KRT7: variants seen among roughly 807,000 people sequenced by gnomAD.
The protein encoded by KRT7 is keratin 7, also known as keratin, type II cytoskeletal 7.
In KRT7, 50 loss-of-function variants were observed where a neutral mutation model predicts 42.8. The ratio of observed to expected loss-of-function variants is 1.17; its 90% CI spans 0.93 to 1.48. The LOEUF (loss-of-function observed/expected upper bound fraction) is 1.48, where lower values mean the gene tolerates loss of function less well. Ranked by LOEUF, KRT7 falls within the 40% of genes most tolerant of loss-of-function variation. The pLI, the probability that KRT7 is intolerant of heterozygous loss-of-function variation, is 0.00. For missense variants in KRT7, 588 were observed against 637.6 expected, an observed-to-expected ratio of 0.92 and a Z score of 0.84; for synonymous variants, 268 against 266.3, an observed-to-expected ratio of 1.01 and a Z score of -0.06.
At position 52,238,754 on chromosome 12, in the gene KRT7, C is replaced by T. The variant is rs1262160451; in HGVS notation, c.672C>T (p.Phe224=). 5 of 1,610,780 alleles carry T rather than the reference C, an allele frequency of 3.1e-6. No homozygotes were observed. The highest frequency in any genetic ancestry group is 4.2e-6 in the Non-Finnish European group (5 of 1,177,062). ...ATGCCCTGAATGATGAGATCAACTT[C>T]CTCAGGACCCTCAATGAGACGGTGA... The part of the protein sequence containing the change: ...KVDALNDEIN[F]LRTLNETELT... The change falls in exon 4 of 9, where the codon TTC becomes TTT. Residue 224 remains phenylalanine, a synonymous_variant. Transcript: ENST00000331817.
At position 52,244,399 on chromosome 12, in the gene KRT7, C is replaced by T. The variant is rs965761172; in HGVS notation, c.985-1013C>T. On this transcript the variant is annotated intron_variant, in intron 6 of 8. Coordinates refer to ENST00000331817, the MANE Select transcript of KRT7 (RefSeq NM_005556.4). ...CGGATCCAGGCCTATAGCCAGGTGT[C>T]TACCACCACTGAGGGGCGTCATGGG... 33 of 985,668 alleles carry T rather than the reference C, an allele frequency of 3.3e-5. No homozygotes were observed. In the African/African-American group the frequency reaches 5.4e-4, roughly 16 times the overall value. 61.1% of individuals were successfully genotyped at this position (985,668 alleles called of 1,614,324 possible). A position where few individuals can be genotyped will look rare whatever the true frequency, so the allele number is the denominator to read the frequency against.
At position 52,233,514 on chromosome 12, in the gene KRT7, T is replaced by C. The variant is rs1565715099; in HGVS notation, c.218T>C (p.Leu73Pro). The stretch of plus-strand genomic sequence containing the variant: ...GAGGTCACCATTAACCAGAGCCTGC[T>C]GGCCCCGCTGCGGCTGGACGCCGAC... The part of the protein sequence containing the change: ...IREVTINQSL[L>P]APLRLDADPS... Residue 73 changes from leucine to proline, a missense_variant, in exon 1 of 9, where the codon CTG (leucine) becomes CCG (proline). Transcript: ENST00000331817. 9.3e-6 allele frequency: 15 copies of C among 1,612,884 alleles called. No individual in the cohort carries two copies. The highest frequency in any genetic ancestry group is 1.3e-5 in the Non-Finnish European group (15 of 1,179,772).
chr12:52,251,899 G>A (rs1202619430), downstream of KRT7: 3 of 448,448 alleles, frequency 6.7e-6, no homozygotes, highest in Non-Finnish European at 1.3e-5. Context: ...ACAACGGAGT[G>A]GAGCAGTTGA....
At chr12:52,250,648 GA>G, downstream of KRT7, 1 of 744,376 alleles carries the variant, frequency 1.3e-6, no homozygotes, top group Non-Finnish European at 2.3e-6. Context: ...ACACCTGCCA[GA>G]GGGGGAGGAC....
At chr12:52,245,748 G>T in intron 7 of KRT7, 116 bp downstream of exon 7, 1 of 1,334,320 alleles carries the variant, frequency 7.5e-7, no homozygotes. Context: ...GGCACTGGGT[G>T]TGGGGATGCA....
downstream of KRT7, chr12:52,252,230 G>A (rs1223065817): frequency 1.9e-6 from 3 of 1,613,136 alleles, no homozygotes; most frequent in Non-Finnish European, 2.5e-6. Flanking sequence ...GGGAAACTGA[G>A]GGGACACCCT....
In KRT7 at chr12:52,237,414, G is replaced by A. The variant is rs1352681064; in HGVS notation, c.537-95G>A. 4 of 862,526 alleles carry A rather than the reference G, an allele frequency of 4.6e-6. No individual in the cohort carries two copies. The African/African-American group carries it at 6.9e-5, about 15-fold the overall frequency. The allele number at this position is 862,526 out of a possible 1,614,324, so 53.4% of individuals were successfully genotyped here. ...GGTGTGTCTTTAAAGAGTAGGGGAA[G>A]GGAGGCAGGGCAGATTTCACAGCTG... is the stretch of plus-strand genomic sequence containing the variant. On this transcript the variant is annotated intron_variant, in intron 2 of 8. Transcript: ENST00000331817.
At chr12:52,255,544 AC>A, downstream of KRT7, 6 of 416,086 alleles carry the variant, frequency 1.4e-5, no homozygotes, top group South Asian at 1.0e-4. Flanking sequence ...ACTGAAGGGA[AC>A]TTGTCCATCC....
downstream of KRT7, chr12:52,253,640 G>T (rs767223619): frequency 1.2e-5 from 19 of 1,545,740 alleles, no homozygotes; most frequent in African/African-American, 2.4e-4. Flanking sequence ...CCCGGCTGCG[G>T]GTGGCAATGT....
chr12:52,234,167 G>T lies in KRT7; in HGVS notation c.324+547G>T, dbSNP rs867048727. On this transcript the variant is annotated intron_variant, in intron 1 of 8. Coordinates refer to ENST00000331817, the MANE Select transcript of KRT7 (RefSeq NM_005556.4). The stretch of plus-strand genomic sequence containing the variant: ...CGCCCCTCCCCTCCCCCACCTGCCT[G>T]GTCCTCCAGCCTCCCTTAGGTGGCA... Among the ~76,000 whole-genome samples, 448 of 148,466 alleles carry T rather than the reference G, an allele frequency of 3.0e-3. 3 individuals are homozygous for T. Among genetic ancestry groups the T allele is most frequent in the African/African-American group, 0.01 (418 of 40,308 alleles).
At chr12:52,237,858 GC>G (rs1942033473) in intron 3 of KRT7, 2 of 280,120 alleles carry the variant, frequency 7.1e-6, no homozygotes, top group Non-Finnish European at 1.3e-5. Flanking sequence ...AATAAGGAGT[GC>G]TCTATTCAAG....
At chr12:52,252,720 T>C (rs1033323902), downstream of KRT7, among the ~76,000 whole-genome samples, 3 of 152,268 alleles carry the variant, frequency 2.0e-5, no homozygotes, top group Non-Finnish European at 4.4e-5. Flanking sequence ...ACACTGGACC[T>C]GCATTTCTGC....
chr12:52,243,836 T>C (rs1025018423), intron 6 of KRT7, among the ~76,000 whole-genome samples: 4 of 152,216 alleles, frequency 2.6e-5, no homozygotes, highest in African/African-American at 9.7e-5. Flanking sequence ...CATTAAGTGA[T>C]TGATGGTCCC....
At chr12:52,238,624 T>C (rs1420313851) in intron 3 of KRT7, 56 bp from the exon 4 acceptor site, 1 of 1,063,966 alleles carries the variant, frequency 9.4e-7, no homozygotes, top group East Asian at 2.4e-5. Context: ...CCCTACTAAA[T>C]GTTCCCTGTA....
At chr12:52,243,240 C>G in intron 6 of KRT7, 103 bp downstream of exon 6, 1 of 1,364,996 alleles carries the variant, frequency 7.3e-7, no homozygotes, top group Admixed American at 2.4e-5. Context: ...ATCTCCCGGC[C>G]AAAGCTGGTG....
chr12:52,254,838 C>A (rs1942317447), downstream of KRT7, among the ~76,000 whole-genome samples: 1 of 152,212 alleles, frequency 6.6e-6, no homozygotes, highest in African/African-American at 2.4e-5. Flanking sequence ...CTCACAATAA[C>A]CCCTGCTTTC....
chr12:52,249,600 T>A (rs1802815563), downstream of KRT7, among the ~76,000 whole-genome samples: 2 of 152,098 alleles, frequency 1.3e-5, no homozygotes, highest in Admixed American at 6.5e-5. Context: ...GGGGCTTCTA[T>A]GTCAGAGTCC....
chr12:52,235,790 T>C (rs1942004644), intron 2 of KRT7, among the ~76,000 whole-genome samples: 1 of 152,192 alleles, frequency 6.6e-6, no homozygotes, highest in Non-Finnish European at 1.5e-5. Context: ...AGGGACTTGG[T>C]TGAGCTCACA....
downstream of KRT7, chr12:52,250,475 G>A (rs974989752): frequency 4.9e-6 from 3 of 617,630 alleles, no homozygotes; most frequent in Non-Finnish European, 8.8e-6. Context: ...CTCAGGCGAA[G>A]CGCACGGAGC....
Sources: allele counts gnomAD v4.1 joint callset (sites outside exome capture counted in the v4.1 genomes callset), GRCh38; gene constraint gnomAD v4.1.1; transcripts MANE v1.5; gene names NCBI Gene and HGNC (gene_info 2026-07-23, HGNC 2026-07-21).